The following TOP3B variants were observed in gnomAD, a reference collection of about 807,000 sequenced individuals.
The protein encoded by TOP3B is DNA topoisomerase III beta, also known as DNA topoisomerase 3-beta-1.
Under a neutral mutation model 93.9 loss-of-function variants are expected in TOP3B, and 45 were observed. The ratio of observed to expected loss-of-function variants is 0.48; its 90% CI spans 0.38 to 0.61. The LOEUF (loss-of-function observed/expected upper bound fraction) is 0.61, where lower values mean the gene tolerates loss of function less well. TOP3B is among the 20% of genes least tolerant of loss of function. TOP3B has a pLI of 0.00. For missense variants in TOP3B, 750 were observed against 1,156.1 expected, an observed-to-expected ratio of 0.65 and a Z score of 5.09; for synonymous variants, 357 against 472.6, an observed-to-expected ratio of 0.76 and a Z score of 3.17.
Position 21,971,751 on chromosome 22 carries a change from G to GT in TOP3B, c.384+125dup, listed in dbSNP as rs1363098846. The GT allele has an allele frequency of 1.2e-6, 1 of 816,748 alleles. No individual in the cohort carries two copies. Among genetic ancestry groups the GT allele is most frequent in the East Asian group, 2.6e-5 (1 of 38,102 alleles). 50.6% of individuals were successfully genotyped at this position (816,748 alleles called of 1,614,324 possible). On this transcript the variant is annotated intron_variant, in intron 5 of 17. Coordinates refer to ENST00000357179, the MANE Select transcript of TOP3B (RefSeq NM_001282112.2). The surrounding 1 kb of genome is among the most constrained non-coding windows in gnomAD (Gnocchi z 4.6). Reference sequence around the variant, plus strand: ...TTCAGAATAAAGGGAGGGGAGAGGTGTTTTTAAACCGGTACAGTTTACTCC... The same window carrying GT: ...TTCAGAATAAAGGGAGGGGAGAGGTGTTTTTTAAACCGGTACAGTTTACTCC...
chr22:21,977,990 C>T (rs1393567555), intron 1 of TOP3B, among the ~76,000 whole-genome samples: 1 of 151,574 alleles, frequency 6.6e-6, no homozygotes, highest in Admixed American at 6.6e-5. Flanking sequence ...AAGGTGAGGT[C>T]CTTGGGGAGG....
Position 21,975,695 on chromosome 22 carries a change from G to A in TOP3B, c.15C>T (p.Leu5=), listed in dbSNP as rs139462231. 147 of 1,611,764 alleles carry A rather than the reference G, an allele frequency of 9.1e-5. 1 individual carries two copies. The African/African-American group carries it at 1.3e-3, about 14-fold the overall frequency. The change falls in exon 2 of 18, where the codon CTC becomes CTT. Residue 5 remains leucine, a synonymous_variant. Coordinates refer to ENST00000357179, the MANE Select transcript of TOP3B (RefSeq NM_001282112.2). ...CCAAGGACGGCTTTTCAGCAACCAT[G>A]AGCACAGTCTTCATTTTGTCTCGGT... MKTV[L]MVAEKPSLAQ... is the part of the protein sequence containing the mutation.
rs751131064 is a variant in TOP3B at position 21,964,019 on chromosome 22, A to C, written c.1108T>G (p.Leu370Val). ...GGGCGGTTGATACCTTCTGCTAACA[A>C]CCGCTTCACCTGAGGGAGAGAAGAC... is the stretch of plus-strand genomic sequence containing the variant. ...HPYWADTVKR[L>V]LAEGINRPRK... The change falls in exon 11 of 18, where the codon TTG becomes GTG. Residue 370 changes from leucine to valine, a missense_variant. Physicochemically the swap from Leu to Val is conservative, Grantham distance 32. Around this residue, in one of 4 missense-constraint regions of TOP3B, gnomAD observed 737 missense variants for 933.7 expected, o/e 0.79. Transcript: ENST00000357179. 6.2e-7 allele frequency: 1 copy of C among 1,607,274 alleles called. No homozygotes were observed. The highest frequency in any genetic ancestry group is 1.7e-5 in the Admixed American group (1 of 59,490).
chr22:21,970,810 G>A lies in TOP3B; in HGVS notation c.385-404C>T. 2 of 304,540 alleles carry A rather than the reference G, an allele frequency of 6.6e-6. No homozygotes were observed. Among genetic ancestry groups the A allele is most frequent in the East Asian group, 1.7e-4 (2 of 11,690 alleles). 18.9% of individuals were successfully genotyped at this position (304,540 alleles called of 1,614,324 possible). On this transcript the variant is annotated intron_variant, in intron 5 of 17. Coordinates refer to ENST00000357179, the MANE Select transcript of TOP3B (RefSeq NM_001282112.2). The surrounding 1 kb of genome is among the most constrained non-coding windows in gnomAD (Gnocchi z 4.4). Reference sequence around the variant, plus strand: ...CGATTCCCTGCCTTCTAGGAGGGAGGGTTTGGAGGGGTGGGTGGAAATTTT... The same window carrying A: ...CGATTCCCTGCCTTCTAGGAGGGAGAGTTTGGAGGGGTGGGTGGAAATTTT...
chr22:21,959,534 T>G, intron 15 of TOP3B, 53 bp downstream of exon 15: 1 of 1,553,048 alleles, frequency 6.4e-7, no homozygotes, highest in Non-Finnish European at 8.7e-7. Flanking sequence ...GTACTGGCCT[T>G]GCTGACAGAG....
Position 21,970,136 on chromosome 22 carries a change from G to C in TOP3B, c.581+74C>G, listed in dbSNP as rs2071575366. The C allele has an allele frequency of 6.4e-7, 1 of 1,556,350 alleles. No individual in the cohort carries two copies. The highest frequency in any genetic ancestry group is 8.7e-7 in the Non-Finnish European group (1 of 1,150,734). Reference sequence around the variant, plus strand: ...CGAGGAGGCCTAGGGGCCCCGGAGGGGGACCAGTAGAGGCAGGTCTCTGGC... The same window carrying C: ...CGAGGAGGCCTAGGGGCCCCGGAGGCGGACCAGTAGAGGCAGGTCTCTGGC... On this transcript the variant is annotated intron_variant, in intron 6 of 17. Coordinates refer to ENST00000357179, the MANE Select transcript of TOP3B (RefSeq NM_001282112.2). The surrounding 1 kb of genome is among the most constrained non-coding windows in gnomAD (Gnocchi z 4.4).
At chr22:21,957,870 A>G (rs1601805102) in intron 17 of TOP3B, 1 of 1,519,716 alleles carries the variant, frequency 6.6e-7, no homozygotes, top group Non-Finnish European at 8.8e-7. Context: ...CTTTGCTGCC[A>G]GCTTGTTACT....
intron 16 of TOP3B, 126 bp downstream of exon 16, chr22:21,959,005 GC>G (rs976415658): frequency 1.4e-6 from 2 of 1,395,130 alleles, no homozygotes; most frequent in Admixed American, 2.4e-5. Context: ...TTTTGGCAAG[GC>G]CTCTTTATGT....
At chr22:21,982,118 C>T (rs1408678317) in intron 1 of TOP3B, 1 of 152,180 alleles carries the variant, frequency 6.6e-6, no homozygotes, top group Non-Finnish European at 1.5e-5. Context: ...ACTGGCTGGC[C>T]ATCAAGCCCA....
At chr22:21,962,407 G>A (rs749769972) in intron 13 of TOP3B, 22 bp downstream of exon 13, 6 of 1,612,820 alleles carry the variant, frequency 3.7e-6, no homozygotes, top group Non-Finnish European at 5.1e-6. Context: ...GCCGGCTCTG[G>A]GGCCTGGGCA....
chr22:21,979,865 C>T (rs1036349432), intron 1 of TOP3B, among the ~76,000 whole-genome samples: 5 of 144,562 alleles, frequency 3.5e-5, no homozygotes, highest in Non-Finnish European at 7.4e-5. Flanking sequence ...GGTGTGAACC[C>T]GGGAAGCGGA....
At chr22:21,967,439 A>G (rs535337777) in intron 8 of TOP3B, 164 bp downstream of exon 8, 1 of 623,346 alleles carries the variant, frequency 1.6e-6, no homozygotes, top group Non-Finnish European at 2.9e-6. Context: ...ATATCTTAGG[A>G]GTATATGAGG....
intron 6 of TOP3B, chr22:21,969,930 ATTTTTTTTT>A (rs56123700): frequency 1.7e-5 from 3 of 177,182 alleles, no homozygotes; most frequent in Admixed American, 6.2e-5. Context: ...CAAAAAAATA[ATTTTTTTTT>A]TTTTTTTTTT....
chr22:21,958,731 G>C (rs778525220), intron 16 of TOP3B, 38 bp from the exon 17 acceptor site: 1 of 1,557,504 alleles, frequency 6.4e-7, no homozygotes, highest in Non-Finnish European at 8.7e-7. Flanking sequence ...AGGGTCACTG[G>C]GGCCACCGAC....
intron 13 of TOP3B, 127 bp from the exon 14 acceptor site, chr22:21,960,576 A>T: frequency 7.4e-7 from 1 of 1,345,792 alleles, no homozygotes; most frequent in Non-Finnish European, 1.0e-6. Flanking sequence ...CACAGGAGGG[A>T]GGGCTGTGCC....
chr22:21,977,308 C>T (rs887114606), intron 1 of TOP3B: 1 of 152,240 alleles, frequency 6.6e-6, no homozygotes, highest in Admixed American at 6.5e-5. Flanking sequence ...GTGGGTGGAC[C>T]ACTTGAGGTC....
chr22:21,980,362 A>T (rs180980320), intron 1 of TOP3B, among the ~76,000 whole-genome samples: 1 of 152,316 alleles, frequency 6.6e-6, no homozygotes, highest in Admixed American at 6.5e-5. Flanking sequence ...GAGGGTTGTA[A>T]AGGGCATTGT....
Position 21,959,674 on chromosome 22 carries a change from G to C in TOP3B, c.1717C>G (p.Gln573Glu), listed in dbSNP as rs1007440541. Residue 573 changes from glutamine to glutamate, a missense_variant, in exon 15 of 18, where the codon CAG becomes GAG. Gln to Glu is a conservative substitution (Grantham distance 29). Coordinates refer to ENST00000357179, the MANE Select transcript of TOP3B (RefSeq NM_001282112.2). ...ACCTGGCGGTAGTCGGCCTTGCCCT[G>C]GGCGATCAGGTTCAGCTGCTTCTCC... ...AVEKQLNLIA[Q>E]GKADYRQVLG... 2 of 1,613,558 alleles carry C rather than the reference G, an allele frequency of 1.2e-6. No homozygotes were observed. Among genetic ancestry groups the C allele is most frequent in the Non-Finnish European group, 1.7e-6 (2 of 1,179,950 alleles).
Position 21,978,161 on chromosome 22 carries a change from G to A in TOP3B, c.-98-2354C>T, listed in dbSNP as rs1389570250. ...ACCTCTCTGGCTGCCACATAGAAGA[G>A]GATGAATGGGCCCTGGGTAGCAGTG... On this transcript the variant is annotated intron_variant, in intron 1 of 17. Coordinates refer to ENST00000357179, the MANE Select transcript of TOP3B (RefSeq NM_001282112.2). Among the ~76,000 whole-genome samples, 4 of 152,048 alleles carry A rather than the reference G, an allele frequency of 2.6e-5. 1 individual carries two copies. The highest frequency in any genetic ancestry group is 9.7e-5 in the African/African-American group (4 of 41,372).
Sources: gnomAD v4.1 joint callset for allele counts (sites outside exome capture counted in the v4.1 genomes callset) on GRCh38, gnomAD v4.1.1 for gene constraint, gnomAD v4.1.1 regional missense constraint, Gnocchi (gnomAD v3.1) non-coding constraint, MANE v1.5 for transcripts, NCBI Gene and HGNC (gene_info 2026-07-23, HGNC 2026-07-21) for gene names.